The following ADK variants were observed in gnomAD, a reference collection of about 807,000 sequenced individuals.
ADK encodes the protein N6,N6-dimethyladenosine kinase.
In ADK, 24 loss-of-function variants were observed where a neutral mutation model predicts 44.7. That is an observed-to-expected ratio of 0.54 (90% CI 0.39 to 0.76). The LOEUF (loss-of-function observed/expected upper bound fraction) is 0.76. Ranked by LOEUF, ADK falls within the 30% of genes least tolerant of loss-of-function variation. The pLI is 0.00. For missense variants in ADK, 321 were observed against 425.1 expected, an observed-to-expected ratio of 0.76 and a Z score of 2.15; for synonymous variants, 128 against 142.6, an observed-to-expected ratio of 0.90 and a Z score of 0.73.
At chr10:74,264,897 G>C (rs1412806232) in intron 3 of ADK, among the ~76,000 whole-genome samples, 2 of 152,034 alleles carry the variant, frequency 1.3e-5, no homozygotes, top group Non-Finnish European at 2.9e-5. Flanking sequence ...TCAATTTCTG[G>C]GTTCTAATTC....
intron 3 of ADK, among the ~76,000 whole-genome samples, chr10:74,302,137 T>TTTTTG (rs1840078203): frequency 1.9e-5 from 2 of 103,816 alleles, no homozygotes; most frequent in African/African-American, 7.4e-5. Context: ...TTTTTTTTTT[T>TTTTTG]TTTTTTTTTG....
At chr10:74,226,283 T>C (rs560405834) in intron 3 of ADK, among the ~76,000 whole-genome samples, 172 of 152,144 alleles carry the variant, frequency 1.1e-3, no homozygotes, top group African/African-American at 4.0e-3. Context: ...AATTTTTATA[T>C]TTTAGTAGAG....
intron 4 of ADK, among the ~76,000 whole-genome samples, chr10:74,369,740 T>C (rs924332448): frequency 3.3e-5 from 5 of 152,186 alleles, no homozygotes; most frequent in African/African-American, 1.2e-4. Flanking sequence ...AAGACAAGGA[T>C]GTCTACTTTC....
At chr10:74,566,551 G>T (rs1322505636) in intron 7 of ADK, among the ~76,000 whole-genome samples, 1 of 152,050 alleles carries the variant, frequency 6.6e-6, no homozygotes, top group Non-Finnish European at 1.5e-5. Flanking sequence ...TCTATTTATG[G>T]TTTTTGTTTC....
chr10:74,201,630 T>TTG (rs1000495824), intron 2 of ADK, among the ~76,000 whole-genome samples: 7 of 151,196 alleles, frequency 4.6e-5, no homozygotes, highest in Admixed American at 2.0e-4. Context: ...GTGTGTGTGT[T>TTG]TGTGTGTGTG....
chr10:74,673,751 G>A (rs930871764), intron 10 of ADK, among the ~76,000 whole-genome samples: 3 of 152,168 alleles, frequency 2.0e-5, no homozygotes, highest in Admixed American at 6.5e-5. Flanking sequence ...GATAAATGAG[G>A]TCACACAAAC....
intron 3 of ADK, among the ~76,000 whole-genome samples, chr10:74,225,410 C>T (rs1844496604): frequency 6.6e-6 from 1 of 152,106 alleles, no homozygotes; most frequent in South Asian, 2.1e-4. Context: ...TAACTCAGGT[C>T]GCTCTTGGTT....
Position 74,325,856 on chromosome 10 carries a change from C to CT in ADK, c.273+11121dup, listed in dbSNP as rs1292064656. Among the ~76,000 whole-genome samples, 259 of 147,892 alleles carry CT rather than the reference C, an allele frequency of 1.8e-3. 1 individual carries two copies. Among genetic ancestry groups the CT allele is most frequent in the African/African-American group, 5.4e-3 (220 of 40,508 alleles). Reference sequence around the variant, plus strand: ...GTGAATTATCTTGTTAATGTGCTGGCTTTTTTTTTTCTTTTTTAAGACAGA... The same window carrying CT: ...GTGAATTATCTTGTTAATGTGCTGGCTTTTTTTTTTTCTTTTTTAAGACAGA... On this transcript the variant is annotated intron_variant, in intron 4 of 10. Coordinates refer to ENST00000539909, the MANE Select transcript of ADK (RefSeq NM_006721.4).
intron 9 of ADK, among the ~76,000 whole-genome samples, chr10:74,620,878 A>G (rs1589305100): frequency 6.6e-6 from 1 of 151,874 alleles, no homozygotes; most frequent in South Asian, 2.1e-4. Context: ...CTTTTTTAAA[A>G]CAGAGTAGAG....
chr10:74,698,092 A>G (rs182762659), intron 10 of ADK, among the ~76,000 whole-genome samples: 206 of 152,348 alleles, frequency 1.4e-3, no homozygotes, highest in African/African-American at 4.7e-3. Context: ...TAGCTCTAGG[A>G]ACCCAATTTA....
At chr10:74,365,275 T>C (rs1236012786) in intron 4 of ADK, among the ~76,000 whole-genome samples, 2 of 152,212 alleles carry the variant, frequency 1.3e-5, no homozygotes, top group African/African-American at 4.8e-5. Flanking sequence ...AGCAGTCATT[T>C]GTCATTCTCC....
Position 74,271,688 on chromosome 10 carries a change from T to TA in ADK, c.195-42979_195-42978insA, listed in dbSNP as rs1239070213. On this transcript the variant is annotated intron_variant, in intron 3 of 10. Coordinates refer to ENST00000539909, the MANE Select transcript of ADK (RefSeq NM_006721.4). ...TTTGGTTTTTTGTCCTTGTGATAGT[T>TA]TACTGAGAATGATGATTTCCAATTT... is the stretch of plus-strand genomic sequence containing the variant. Among the ~76,000 whole-genome samples the TA allele has an allele frequency of 4.0e-5, 6 of 149,760 alleles. No homozygotes were observed. The South Asian group carries it at 1.3e-3, about 32-fold the overall frequency.
chr10:74,177,081 T>G (rs892211275), intron 1 of ADK, among the ~76,000 whole-genome samples: 1 of 152,164 alleles, frequency 6.6e-6, no homozygotes, highest in Non-Finnish European at 1.5e-5. Context: ...TGTGGCACAT[T>G]GCGGAGTTCT....
In ADK at chr10:74,354,908, G is replaced by A. The variant is rs569425656; in HGVS notation, c.274-39233G>A. On this transcript the variant is annotated intron_variant, in intron 4 of 10. Transcript: ENST00000539909. The stretch of plus-strand genomic sequence containing the variant: ...TTCCACTCACTGCTTCCACTATTTG[G>A]GTAATGATTGTTGGAGCTGTATGCA... Among the ~76,000 whole-genome samples the A allele has an allele frequency of 4.6e-5, 7 of 152,186 alleles. No individual in the cohort carries two copies. The East Asian group carries it at 1.3e-3, about 29-fold the overall frequency.
intron 3 of ADK, among the ~76,000 whole-genome samples, chr10:74,274,332 T>C (rs11000951): frequency 0.65 from 99,214 of 151,790 alleles, 33,577 homozygotes; most frequent in Middle Eastern, 0.8. Flanking sequence ...GAGGCCGAGG[T>C]GGGTGGATCA....
At chr10:74,329,974 C>A in intron 4 of ADK, among the ~76,000 whole-genome samples, 1 of 150,414 alleles carries the variant, frequency 6.6e-6, no homozygotes. Context: ...CCAGCCTGGG[C>A]AACATGACAA....
chr10:74,213,758 C>T (rs905060818), intron 2 of ADK, among the ~76,000 whole-genome samples: 3 of 151,988 alleles, frequency 2.0e-5, no homozygotes, highest in Non-Finnish European at 2.9e-5. Context: ...ATGTCAGTGG[C>T]GCCCTCTGCC....
At chr10:74,436,665 G>C (rs566147233) in intron 6 of ADK, among the ~76,000 whole-genome samples, 1 of 152,106 alleles carries the variant, frequency 6.6e-6, no homozygotes, top group Admixed American at 6.5e-5. Flanking sequence ...TGAAAAGATA[G>C]CCTTTTCAAA....
At chr10:74,464,980 G>A (rs1027747203) in intron 6 of ADK, among the ~76,000 whole-genome samples, 1 of 152,150 alleles carries the variant, frequency 6.6e-6, no homozygotes, top group Non-Finnish European at 1.5e-5. Context: ...TGAATTTATA[G>A]CAGCGACCAG....
Sources: allele counts gnomAD v4.1 joint callset (sites outside exome capture counted in the v4.1 genomes callset), GRCh38; gene constraint gnomAD v4.1.1; transcripts MANE v1.5; gene names NCBI Gene and HGNC (gene_info 2026-07-23, HGNC 2026-07-21).